Variants in LRSAM1 observed in about 807,000 individuals in gnomAD.
LRSAM1 encodes the protein E3 ubiquitin-protein ligase LRSAM1.
A neutral mutation model predicts 118.1 loss-of-function variants in LRSAM1; 96 were observed. The observed-to-expected ratio is 0.81, with a 90% CI of 0.69 to 0.96. The LOEUF (loss-of-function observed/expected upper bound fraction) is 0.96, where lower values mean the gene tolerates loss of function less well. Ranked by LOEUF, LRSAM1 falls within the 40% of genes least tolerant of loss-of-function variation. The pLI is 0.00. For missense variants in LRSAM1, 804 were observed against 915.5 expected (o/e 0.88, Z 1.57); for synonymous variants, 322 against 364.2 (o/e 0.88, Z 1.32).
At chr9:127,487,174 A>C (rs1588128105) in intron 17 of LRSAM1, among the ~76,000 whole-genome samples, 1 of 135,398 alleles carries the variant, frequency 7.4e-6, no homozygotes, top group Admixed American at 7.5e-5. Context: ...ACAGAGCAAG[A>C]CTCTGTCTCA....
chr9:127,464,648 A>G (rs949793459), intron 9 of LRSAM1, among the ~76,000 whole-genome samples: 1 of 150,476 alleles, frequency 6.6e-6, no homozygotes, highest in African/African-American at 2.4e-5. Context: ...GGACACTTCA[A>G]TTTTTTTTTC....
rs917788952 is a variant in LRSAM1, at chr9:127,501,082, C to T, written c.1985C>T (p.Ser662Phe). 3 of 1,614,016 alleles carry T rather than the reference C, an allele frequency of 1.9e-6. No individual in the cohort carries two copies. In the African/African-American group the frequency reaches 4.0e-5, roughly 22 times the overall value. ...PQEPPESVRP[S>F]APPAELEVQA... ...GAGCCTCCTGAGTCTGTGAGGCCATCCGCTCCCCCTGCAGAGCTGGAGGTG... is the reference window on the plus strand; with the variant it reads ...GAGCCTCCTGAGTCTGTGAGGCCATTCGCTCCCCCTGCAGAGCTGGAGGTG... Residue 662 changes from serine to phenylalanine, a missense_variant, in exon 25 of 26, where the codon TCC becomes TTC. Physicochemically the swap from Ser to Phe is radical, Grantham distance 155. Coordinates refer to ENST00000300417, the MANE Select transcript of LRSAM1 (RefSeq NM_001005373.4).
chr9:127,455,482 T>TC, intron 4 of LRSAM1, 94 bp from the exon 5 acceptor site: 1 of 1,317,952 alleles, frequency 7.6e-7, no homozygotes, highest in Non-Finnish European at 1.1e-6. Context: ...CTTGTTCACC[T>TC]CCTGCCTGTC....
In LRSAM1 at chr9:127,475,448, G is replaced by A. The variant is rs138964033; in HGVS notation, c.750+1517G>A. Among the ~76,000 whole-genome samples the A allele has an allele frequency of 4.8e-3, 734 of 152,142 alleles. 5 individuals are homozygous for A. The highest frequency in any genetic ancestry group is 0.017 in the African/African-American group (705 of 41,500). ...AGAGGTTGCAGTGAGCTGAGATTGC[G>A]CCACTGCACTCCAGCCTGTCCAGGT... is the stretch of plus-strand genomic sequence containing the variant. On this transcript the variant is annotated intron_variant, in intron 11 of 25. Transcript: ENST00000300417.
At chr9:127,485,529 C>T (rs1382057031) in intron 16 of LRSAM1, among the ~76,000 whole-genome samples, 1 of 152,144 alleles carries the variant, frequency 6.6e-6, no homozygotes, top group East Asian at 1.9e-4. Context: ...GCACTCCAGC[C>T]TGGGTGACAG....
chr9:127,475,928 C>T (rs962096170), intron 11 of LRSAM1, among the ~76,000 whole-genome samples: 6 of 151,918 alleles, frequency 3.9e-5, no homozygotes, highest in Admixed American at 2.0e-4. Flanking sequence ...TTAGTAGAGA[C>T]GGGGTTTCAC....
intron 5 of LRSAM1, 31 bp downstream of exon 5, chr9:127,455,651 CTTGT>C: frequency 1.2e-6 from 2 of 1,610,362 alleles, no homozygotes; most frequent in South Asian, 2.2e-5. Context: ...CAGAGACTTT[CTTGT>C]TGCATGTCTG....
At chr9:127,470,949 C>T (rs1020442484) in intron 10 of LRSAM1, 1 of 152,044 alleles carries the variant, frequency 6.6e-6, no homozygotes, top group African/African-American at 2.4e-5. Flanking sequence ...TTGTTCCACT[C>T]TTTCTCCTCT....
At chr9:127,499,914 A>ACTC (rs1836311088) in intron 24 of LRSAM1, among the ~76,000 whole-genome samples, 2 of 148,900 alleles carry the variant, frequency 1.3e-5, no homozygotes, top group African/African-American at 2.5e-5. Flanking sequence ...CAAGAGTGAG[A>ACTC]CTCCATCTCA....
At chr9:127,479,051 C>G in intron 12 of LRSAM1, 88 bp downstream of exon 12, 1 of 1,419,440 alleles carries the variant, frequency 7.0e-7, no homozygotes, top group Non-Finnish European at 9.9e-7. Context: ...ATGACTTCTT[C>G]CCAGCTCAGA....
intron 11 of LRSAM1, among the ~76,000 whole-genome samples, chr9:127,478,595 C>G (rs375198479): frequency 1.3e-5 from 2 of 152,190 alleles, no homozygotes; most frequent in African/African-American, 4.8e-5. Context: ...AGGTGTGTTA[C>G]GCAGACATCC....
intron 7 of LRSAM1, among the ~76,000 whole-genome samples, chr9:127,460,821 C>T (rs1347027717): frequency 4.2e-5 from 6 of 143,072 alleles, no homozygotes; most frequent in Admixed American, 7.1e-5. Context: ...TGTGTGGGTT[C>T]TCGTGTCACC....
At chr9:127,456,860 G>A (rs1442454793) in intron 5 of LRSAM1, among the ~76,000 whole-genome samples, 6 of 149,900 alleles carry the variant, frequency 4.0e-5, no homozygotes, top group African/African-American at 1.5e-4. Flanking sequence ...AGCAAGAGTT[G>A]GTCTCAAAAA....
At chr9:127,485,295 C>A (rs1370330624) in intron 16 of LRSAM1, among the ~76,000 whole-genome samples, 1 of 152,118 alleles carries the variant, frequency 6.6e-6, no homozygotes, top group Non-Finnish European at 1.5e-5. Context: ...CGCAGTGGCT[C>A]ACCTGTAATC....
intron 16 of LRSAM1, among the ~76,000 whole-genome samples, chr9:127,484,130 G>A (rs1055098207): frequency 6.6e-6 from 1 of 151,702 alleles, no homozygotes; most frequent in East Asian, 1.9e-4. Context: ...CTTTCTGTGT[G>A]TGGATTTGAG....
At chr9:127,502,362 T>C (rs1019806888) in intron 25 of LRSAM1, among the ~76,000 whole-genome samples, 1 of 152,168 alleles carries the variant, frequency 6.6e-6, no homozygotes, top group African/African-American at 2.4e-5. Context: ...AAGGCCCCAC[T>C]ATCAGGCGTT....
chr9:127,480,130 C>G (rs943896763), intron 14 of LRSAM1, 152 bp downstream of exon 14: 2 of 1,019,842 alleles, frequency 2.0e-6, no homozygotes, highest in African/African-American at 3.2e-5. Flanking sequence ...CTGGCACCAG[C>G]GTAGAGAGAA....
At chr9:127,468,461 G>A (rs1835040776) in intron 10 of LRSAM1, among the ~76,000 whole-genome samples, 1 of 152,162 alleles carries the variant, frequency 6.6e-6, no homozygotes, top group African/African-American at 2.4e-5. Flanking sequence ...CTGTCAGGCT[G>A]GAAGTTCTTA....
At chr9:127,460,178 TTAG>T (rs1383213666) in intron 7 of LRSAM1, among the ~76,000 whole-genome samples, 9 of 152,172 alleles carry the variant, frequency 5.9e-5, no homozygotes, top group African/African-American at 1.7e-4. Flanking sequence ...TTTTTATATT[TTAG>T]TAGAGACGGG....
Sources: gnomAD v4.1 joint callset for allele counts (sites outside exome capture counted in the v4.1 genomes callset) on GRCh38, gnomAD v4.1.1 for gene constraint, MANE v1.5 for transcripts, NCBI Gene and HGNC (gene_info 2026-07-23, HGNC 2026-07-21) for gene names.